Variants in CNTNAP2 observed in about 807,000 individuals in gnomAD.
The protein encoded by CNTNAP2 is contactin associated protein 2, also known as contactin-associated protein-like 2.
A neutral mutation model predicts 155.2 loss-of-function variants in CNTNAP2; 98 were observed. That is an observed-to-expected ratio of 0.63 (90% CI 0.54 to 0.75). CNTNAP2 has a LOEUF of 0.75. Ranked by LOEUF, CNTNAP2 falls within the 30% of genes least tolerant of loss-of-function variation. The pLI is 0.00. For synonymous variants in CNTNAP2, 651 were observed against 631.2 expected (o/e 1.03, Z -0.47); for missense variants, 1,727 against 1,688.1 (o/e 1.02, Z -0.40).
chr7:148,014,212 ATTAT>A (rs1215461644), intron 15 of CNTNAP2: 2 of 150,782 alleles, frequency 1.3e-5, no homozygotes, highest in Non-Finnish European at 3.0e-5. Context: ...ACCACCCAGT[ATTAT>A]TTGACTTTAA....
At chr7:147,396,844 TC>T (rs1264921992) in intron 10 of CNTNAP2, among the ~76,000 whole-genome samples, 2 of 152,054 alleles carry the variant, frequency 1.3e-5, no homozygotes, top group Non-Finnish European at 2.9e-5. Context: ...AGATGAAAGT[TC>T]TTTAAATTTT....
chr7:148,107,792 T>A (rs573466441), intron 15 of CNTNAP2, among the ~76,000 whole-genome samples: 1 of 152,286 alleles, frequency 6.6e-6, no homozygotes, highest in African/African-American at 2.4e-5. Context: ...CACTAATAAT[T>A]TTCAGAGTAA....
chr7:147,358,671 T>C (rs1796100424), intron 9 of CNTNAP2, among the ~76,000 whole-genome samples: 1 of 152,040 alleles, frequency 6.6e-6, no homozygotes, highest in Non-Finnish European at 1.5e-5. Flanking sequence ...AAGCATTTTC[T>C]CCTAATTAAA....
intron 21 of CNTNAP2, among the ~76,000 whole-genome samples, chr7:148,292,696 A>G (rs1327054438): frequency 1.3e-5 from 2 of 152,186 alleles, no homozygotes; most frequent in Non-Finnish European, 2.9e-5. Context: ...GGTCTCACCT[A>G]AAGGAGAGAT....
intron 1 of CNTNAP2, among the ~76,000 whole-genome samples, chr7:146,480,725 G>A (rs1269007392): frequency 9.3e-6 from 1 of 107,122 alleles, no homozygotes; most frequent in East Asian, 2.7e-4. Context: ...GTCTTGCTCT[G>A]TCACCCAGGC....
intron 13 of CNTNAP2, among the ~76,000 whole-genome samples, chr7:147,648,655 CT>C (rs1795405250): frequency 6.6e-6 from 1 of 152,152 alleles, no homozygotes; most frequent in Non-Finnish European, 1.5e-5. Flanking sequence ...ACCATCAGAT[CT>C]TGTGAGACTT....
chr7:146,231,211 G>T (rs1315699418), intron 1 of CNTNAP2, among the ~76,000 whole-genome samples: 2 of 152,030 alleles, frequency 1.3e-5, no homozygotes, highest in African/African-American at 4.8e-5. Flanking sequence ...AATAGATATG[G>T]ATCAAGTAAG....
chr7:147,644,607 G>C (rs1428089966), intron 13 of CNTNAP2, among the ~76,000 whole-genome samples: 3 of 151,992 alleles, frequency 2.0e-5, no homozygotes, highest in East Asian at 1.9e-4. Context: ...GGGCGATAGA[G>C]CGAGACTCTG....
chr7:147,454,995 G>T (rs1181963040), intron 10 of CNTNAP2, among the ~76,000 whole-genome samples: 1 of 152,114 alleles, frequency 6.6e-6, no homozygotes, highest in East Asian at 1.9e-4. Context: ...CTGGCGGTAT[G>T]CCCCATGGAA....
chr7:146,624,149 T>C (rs1799379027), intron 1 of CNTNAP2, among the ~76,000 whole-genome samples: 1 of 152,042 alleles, frequency 6.6e-6, no homozygotes, highest in Non-Finnish European at 1.5e-5. Context: ...GTTCTTTATT[T>C]AATTTGGATA....
chr7:148,254,935 T>C (rs1796434255), intron 20 of CNTNAP2, among the ~76,000 whole-genome samples: 1 of 152,170 alleles, frequency 6.6e-6, no homozygotes, highest in Admixed American at 6.5e-5. Context: ...GAAAGTCATG[T>C]TCTAAGTTAT....
At position 147,936,302 on chromosome 7, in the gene CNTNAP2, T is replaced by TTTA. The variant is rs934932999; in HGVS notation, c.2255+32583_2255+32584insATT. Reference sequence around the variant, plus strand: ...ATACTGTACACGACATTTATTTTATTTTTTTTTTTTTGCACTCACTTATTT... The same window carrying TTTA: ...ATACTGTACACGACATTTATTTTATTTTATTTTTTTTTTTGCACTCACTTATTT... On this transcript the variant is annotated intron_variant, in intron 14 of 23. Coordinates refer to ENST00000361727, the MANE Select transcript of CNTNAP2 (RefSeq NM_014141.6). Among the ~76,000 whole-genome samples the TTTA allele has an allele frequency of 1.1e-4, 12 of 104,576 alleles. No individual in the cohort carries two copies. In the South Asian group the frequency reaches 2.9e-3, roughly 25 times the overall value. The allele number at this position is 104,576 out of a possible 152,430, so 68.6% of individuals were successfully genotyped here. A position where few individuals can be genotyped will look rare whatever the true frequency, so the allele number is the denominator to read the frequency against.
chr7:146,462,170 C>T (rs1796647105), intron 1 of CNTNAP2, among the ~76,000 whole-genome samples: 1 of 152,130 alleles, frequency 6.6e-6, no homozygotes, highest in Non-Finnish European at 1.5e-5. Context: ...TACCACATGT[C>T]ACTACCTGGA....
intron 1 of CNTNAP2, among the ~76,000 whole-genome samples, chr7:146,662,295 G>C (rs1459182569): frequency 6.6e-6 from 1 of 152,030 alleles, no homozygotes; most frequent in African/African-American, 2.4e-5. Context: ...CCGCCACCAC[G>C]CCTGGCTAGT....
intron 10 of CNTNAP2, among the ~76,000 whole-genome samples, chr7:147,396,398 T>C (rs1796817550): frequency 6.6e-6 from 1 of 151,718 alleles, no homozygotes; most frequent in Non-Finnish European, 1.5e-5. Flanking sequence ...AAAACCCGCT[T>C]CTGAAAGAAA....
At chr7:146,305,444 C>G (rs1800691851) in intron 1 of CNTNAP2, among the ~76,000 whole-genome samples, 1 of 152,078 alleles carries the variant, frequency 6.6e-6, no homozygotes, top group African/African-American at 2.4e-5. Flanking sequence ...TGGTGACATA[C>G]AGATGGGGTT....
chr7:148,281,986 G>A (rs1056623992), intron 21 of CNTNAP2, among the ~76,000 whole-genome samples: 2 of 151,576 alleles, frequency 1.3e-5, no homozygotes, highest in African/African-American at 4.9e-5. Flanking sequence ...CACCACACCC[G>A]GCTAATTTTT....
At chr7:147,961,106 C>G (rs569438211) in intron 14 of CNTNAP2, among the ~76,000 whole-genome samples, 5 of 152,110 alleles carry the variant, frequency 3.3e-5, no homozygotes, top group African/African-American at 1.2e-4. Context: ...CACATCTGAC[C>G]TATTCATGTC....
At chr7:148,085,450 A>T (rs1423280867) in intron 15 of CNTNAP2, among the ~76,000 whole-genome samples, 1 of 152,122 alleles carries the variant, frequency 6.6e-6, no homozygotes, top group East Asian at 1.9e-4. Flanking sequence ...TCTTCTATTA[A>T]ATATACATAT....
Sources: gnomAD v4.1 joint callset for allele counts (sites outside exome capture counted in the v4.1 genomes callset) on GRCh38, gnomAD v4.1.1 for gene constraint, MANE v1.5 for transcripts, NCBI Gene and HGNC (gene_info 2026-07-23, HGNC 2026-07-21) for gene names.